The following ENO3 variants were observed in gnomAD, a reference collection of about 807,000 sequenced individuals.
The protein encoded by ENO3 is beta-enolase.
A neutral mutation model predicts 47.7 loss-of-function variants in ENO3; 46 were observed. The ratio of observed to expected loss-of-function variants is 0.96; its 90% CI spans 0.76 to 1.23. The LOEUF is 1.23. Ranked by LOEUF, ENO3 falls within the 50% of genes most tolerant of loss-of-function variation. The probability of loss-of-function intolerance (pLI) is 0.00; values close to 1 mark genes in which losing one functional copy is unlikely to be tolerated. For synonymous variants in ENO3, 223 were observed against 225.9 expected (o/e 0.99, Z 0.11); for missense variants, 575 against 566.2 (o/e 1.02, Z -0.16).
chr17:4,951,947 C>T lies in ENO3; in HGVS notation c.85+33C>T, dbSNP rs370518660. On this transcript the variant is annotated intron_variant, in intron 2 of 11. Coordinates refer to ENST00000519602, the MANE Select transcript of ENO3 (RefSeq NM_053013.4). Reference sequence around the variant, plus strand: ...AAGGCCCATTGGATAGGCTCGCCTCCGAAGACCCCAACCCTTTGGCCTTTG... The same window carrying T: ...AAGGCCCATTGGATAGGCTCGCCTCTGAAGACCCCAACCCTTTGGCCTTTG... 2.6e-4 allele frequency: 423 copies of T among 1,610,768 alleles called. 1 individual carries two copies. Among genetic ancestry groups the T allele is most frequent in the Non-Finnish European group, 3.3e-4 (386 of 1,177,230 alleles).
chr17:4,951,966 G>T, intron 2 of ENO3, 52 bp downstream of exon 2: 1 of 1,597,460 alleles, frequency 6.3e-7, no homozygotes. Flanking sequence ...CAACCCTTTG[G>T]CCTTTGCCCC....
At chr17:4,954,248 A>G (rs936996470) in intron 6 of ENO3, 1 of 274,890 alleles carries the variant, frequency 3.6e-6, no homozygotes, top group African/African-American at 2.2e-5. Flanking sequence ...TAATCTCAAT[A>G]ATAATGTTAC....
upstream of ENO3, chr17:4,950,389 C>G (rs1262665794): frequency 1.1e-5 from 2 of 181,292 alleles, no homozygotes; most frequent in East Asian, 3.8e-4. Flanking sequence ...TGATTCAGCC[C>G]CATTCATTGA....
intron 5 of ENO3, 122 bp from the exon 6 acceptor site, chr17:4,953,590 G>A: frequency 6.4e-7 from 1 of 1,574,358 alleles, no homozygotes; most frequent in Non-Finnish European, 8.7e-7. Flanking sequence ...TCAGGCTGTT[G>A]GGGAGAGATC....
rs1567673362 is a variant in ENO3 at position 4,956,073 on chromosome 17, G to A, written c.997G>A (p.Glu333Lys). The part of the protein sequence containing the change: ...TNPKRIAQAV[E>K]KKACNCLLLK... The stretch of plus-strand genomic sequence containing the variant: ...CCCCAAGAGGATTGCCCAGGCCGTT[G>A]AGAAGAAGGCCTGCAACTGTCTGCT... The change falls in exon 9 of 12, where the codon GAG (glutamate) becomes AAG (lysine). Residue 333 changes from glutamate to lysine, a missense_variant. Coordinates refer to ENST00000519602, the MANE Select transcript of ENO3 (RefSeq NM_053013.4). The A allele has an allele frequency of 6.8e-6, 11 of 1,614,090 alleles. No individual in the cohort carries two copies. Among genetic ancestry groups the A allele is most frequent in the Non-Finnish European group, 8.5e-6 (10 of 1,180,034 alleles).
In ENO3 at chr17:4,953,098, C is replaced by G; in HGVS notation, c.229C>G (p.Leu77Val). The G allele has an allele frequency of 6.2e-7, 1 of 1,614,092 alleles. No homozygotes were observed. Among genetic ancestry groups the G allele is most frequent in the Non-Finnish European group, 8.5e-7 (1 of 1,179,944 alleles). ...ENINNTLGPA[L>V]LQKKLSVVDQ... Reference sequence around the variant, plus strand: ...CATCAACAATACTCTGGGCCCTGCTCTGCTGCAAAAGGCAAGTGGGGAAGC... The same window carrying G: ...CATCAACAATACTCTGGGCCCTGCTGTGCTGCAAAAGGCAAGTGGGGAAGC... The change falls in exon 4 of 12, where the codon CTG becomes GTG. Residue 77 changes from leucine (L) to valine (V), a missense_variant. Leu to Val is a conservative substitution (Grantham distance 32, BLOSUM62 1). Transcript: ENST00000519602.
At chr17:4,956,741 C>T in intron 10 of ENO3, 60 bp downstream of exon 10, 2 of 1,613,904 alleles carry the variant, frequency 1.2e-6, no homozygotes. Flanking sequence ...CCCTGGCCTC[C>T]TGCCTTTGAG....
In ENO3 at chr17:4,955,512, A is replaced by C; in HGVS notation, c.773A>C (p.Asp258Ala). 6.2e-7 allele frequency: 1 copy of C among 1,614,182 alleles called. No individual in the cohort carries two copies. The change falls in exon 8 of 12, where the codon GAT becomes GCT. Residue 258 changes from aspartate (D) to alanine (A), a missense_variant. Physicochemically the swap from Asp to Ala is moderately radical, Grantham distance 126. Transcript: ENST00000519602. ...ASEFYRNGKY[D>A]LDFKSPDDPA... The stretch of plus-strand genomic sequence containing the variant: ...GAGTTCTATCGCAATGGGAAGTACG[A>C]TCTTGACTTCAAGTCGCCTGATGAT...
At chr17:4,955,030 C>G in intron 6 of ENO3, 45 bp from the exon 7 acceptor site, 1 of 1,487,322 alleles carries the variant, frequency 6.7e-7, no homozygotes, top group Non-Finnish European at 9.2e-7. Context: ...CCTTCTTGAG[C>G]TCTCATGCCC....
intron 5 of ENO3, among the ~76,000 whole-genome samples, 154 bp downstream of exon 5, chr17:4,953,495 C>G (rs2151141052): frequency 6.6e-6 from 1 of 152,358 alleles, no homozygotes; most frequent in South Asian, 2.1e-4. Flanking sequence ...ATTTCCTATG[C>G]CTGCCTTCTG....
chr17:4,952,222 G>GC, intron 2 of ENO3: 1 of 431,348 alleles, frequency 2.3e-6, no homozygotes, highest in South Asian at 1.9e-5. Flanking sequence ...TGTGGCCCGG[G>GC]CTGGAGTGCA....
chr17:4,956,224 C>A, intron 9 of ENO3, 81 bp downstream of exon 9: 1 of 1,506,956 alleles, frequency 6.6e-7, no homozygotes, highest in Non-Finnish European at 9.1e-7. Flanking sequence ...TCTTACCCAC[C>A]AACTCCAAGC....
intron 4 of ENO3, 57 bp from the exon 5 acceptor site, chr17:4,953,215 G>C (rs1215614026): frequency 6.2e-7 from 1 of 1,612,988 alleles, no homozygotes. Flanking sequence ...CCCTGCATGT[G>C]CCCTGACTTC....
chr17:4,949,029 G>C (rs1269077769), upstream of ENO3: 1 of 150,532 alleles, frequency 6.6e-6, no homozygotes, highest in Admixed American at 6.7e-5. Flanking sequence ...TGGGGCGGTC[G>C]GGGCCGGAGC....
intron 6 of ENO3, 180 bp downstream of exon 6, chr17:4,954,025 C>T: frequency 1.1e-6 from 1 of 934,168 alleles, no homozygotes; most frequent in Non-Finnish European, 1.6e-6. Flanking sequence ...CAAACCTTCC[C>T]TGAAGGCTCT....
rs538519673 is a variant in ENO3 at position 4,952,924 on chromosome 17, G to A, written c.181+34G>A. The stretch of plus-strand genomic sequence containing the variant: ...ACACCAGCGCAGAAGGAGCCTGTGT[G>A]GGCGGCTTTAGGACATGGGTGCACA... On this transcript the variant is annotated intron_variant, in intron 3 of 11. Transcript: ENST00000519602. 14 of 1,610,638 alleles carry A rather than the reference G, an allele frequency of 8.7e-6. No individual in the cohort carries two copies. In the East Asian group the frequency reaches 2.7e-4, roughly 31 times the overall value.
chr17:4,949,528 C>T (rs185237340), upstream of ENO3, among the ~76,000 whole-genome samples: 45 of 150,864 alleles, frequency 3.0e-4, no homozygotes, highest in African/African-American at 1.0e-3. Context: ...GCAAGAGTGG[C>T]AACTTTTTCA....
intron 2 of ENO3, chr17:4,952,171 CT>C (rs1185650356): frequency 1.3e-4 from 75 of 574,938 alleles, no homozygotes; most frequent in East Asian, 2.9e-4. Context: ...CTGTGAGGTC[CT>C]TTTTTTTGTT....
chr17:4,953,405 G>T, intron 5 of ENO3, 64 bp downstream of exon 5: 2 of 1,601,932 alleles, frequency 1.2e-6, no homozygotes, highest in Non-Finnish European at 1.7e-6. Context: ...AGGCCATGGG[G>T]TGAGGCCTGA....
Sources: gnomAD v4.1 joint callset for allele counts (sites outside exome capture counted in the v4.1 genomes callset) on GRCh38, gnomAD v4.1.1 for gene constraint, MANE v1.5 for transcripts, NCBI Gene and HGNC (gene_info 2026-07-23, HGNC 2026-07-21) for gene names.